PTPRT: variants seen among roughly 807,000 people sequenced by gnomAD.
PTPRT encodes protein tyrosine phosphatase receptor type T.
PTPRT carries 56 observed loss-of-function variants against 176.8 expected under a neutral mutation model. The observed-to-expected ratio is 0.32, with a 90% CI of 0.26 to 0.40. The LOEUF (loss-of-function observed/expected upper bound fraction) is 0.40, where lower values mean the gene tolerates loss of function less well. Among genes scored for constraint, PTPRT ranks in the 10% least tolerant of loss-of-function variants. The pLI, the probability that PTPRT is intolerant of heterozygous loss-of-function variation, is 1.00. For synonymous variants in PTPRT, 783 were observed against 739.0 expected (o/e 1.06, Z -0.96); for missense variants, 1,540 against 1,908.2 (o/e 0.81, Z 3.60).
At chr20:42,698,541 A>T (rs1428385705) in intron 6 of PTPRT, among the ~76,000 whole-genome samples, 1 of 152,198 alleles carries the variant, frequency 6.6e-6, no homozygotes. Flanking sequence ...GTGGCCTCAA[A>T]CTTGGCTGCA....
intron 1 of PTPRT, among the ~76,000 whole-genome samples, chr20:43,042,478 G>A (rs3092292): frequency 0.32 from 48,158 of 151,890 alleles, 10,572 homozygotes; most frequent in African/African-American, 0.62. Context: ...CCGGCTGCAG[G>A]AGGGAAAGAG....
intron 10 of PTPRT, 113 bp downstream of exon 10, chr20:42,351,971 C>T (rs1049895668): frequency 2.0e-6 from 2 of 994,392 alleles, no homozygotes; most frequent in Non-Finnish European, 3.1e-6. Flanking sequence ...CTGGATCGTC[C>T]TAATTCCACC....
chr20:43,062,332 AC>A (rs1987500929), intron 1 of PTPRT, among the ~76,000 whole-genome samples: 1 of 152,234 alleles, frequency 6.6e-6, no homozygotes, highest in South Asian at 2.1e-4. Flanking sequence ...TGGCTGGGTA[AC>A]CTAGGGCAAG....
chr20:42,364,225 C>G lies in PTPRT; in HGVS notation c.1561-11940G>C, dbSNP rs138703460. Among the ~76,000 whole-genome samples the G allele has an allele frequency of 2.7e-3, 411 of 152,290 alleles. 1 individual carries two copies. Among genetic ancestry groups the G allele is most frequent in the Non-Finnish European group, 4.4e-3 (302 of 68,012 alleles). On this transcript the variant is annotated intron_variant, in intron 9 of 30. Transcript: ENST00000373187. ...CCCTTCTAAGGAGAAATCCATCGAT[C>G]ACGTAATCACACATTCTGGGCCAGT...
chr20:42,355,909 G>A (rs745823615), intron 9 of PTPRT, among the ~76,000 whole-genome samples: 7 of 151,924 alleles, frequency 4.6e-5, no homozygotes, highest in Admixed American at 1.3e-4. Context: ...ATAATATACC[G>A]CGCTCTTCTG....
At chr20:42,402,483 TA>T (rs3061921) in intron 9 of PTPRT, among the ~76,000 whole-genome samples, 17,097 of 95,084 alleles carry the variant, frequency 0.18, 1,143 homozygotes, top group Non-Finnish European at 0.21. Flanking sequence ...ATAGTGCAGT[TA>T]AAAAAAAAAA....
chr20:42,765,416 T>G (rs756646330), intron 5 of PTPRT, among the ~76,000 whole-genome samples: 10 of 152,210 alleles, frequency 6.6e-5, no homozygotes, highest in Non-Finnish European at 8.8e-5. Flanking sequence ...GGGAAAAACC[T>G]GTGTCCTCAC....
chr20:42,306,473 G>A lies in PTPRT; in HGVS notation c.2139+9250C>T, dbSNP rs1009770935. On this transcript the variant is annotated intron_variant, in intron 12 of 30. Coordinates refer to ENST00000373187, the MANE Select transcript of PTPRT (RefSeq NM_007050.6). The stretch of plus-strand genomic sequence containing the variant: ...AAGAGCTGTGAGTGGATGTTTACCC[G>A]ATTGAGATTTTCCTAAGGAGTAATG... Among the ~76,000 whole-genome samples, 16 of 152,314 alleles carry A rather than the reference G, an allele frequency of 1.1e-4. No homozygotes were observed. The East Asian group carries it at 2.3e-3, about 22-fold the overall frequency.
intron 1 of PTPRT, among the ~76,000 whole-genome samples, chr20:43,037,618 G>T (rs911136317): frequency 6.6e-6 from 1 of 152,180 alleles, no homozygotes; most frequent in African/African-American, 2.4e-5. Context: ...GTCTTATCCA[G>T]AATTCTGAAA....
Position 42,084,558 on chromosome 20 carries a change from G to A in PTPRT, c.4136+124C>T. 4.9e-6 allele frequency: 4 copies of A among 816,742 alleles called. No homozygotes were observed. The South Asian group carries it at 2.6e-4, about 52-fold the overall frequency. 50.6% of individuals were successfully genotyped at this position (816,742 alleles called of 1,614,324 possible). On this transcript the variant is annotated intron_variant, in intron 29 of 30. Coordinates refer to ENST00000373187, the MANE Select transcript of PTPRT (RefSeq NM_007050.6). The stretch of plus-strand genomic sequence containing the variant: ...TTTGAATGTACTGCCACTAGCCTTT[G>A]AGGGATGTTGAGTTGTGGTATAGCC...
At chr20:42,906,642 C>A (rs2079481907) in intron 1 of PTPRT, among the ~76,000 whole-genome samples, 1 of 152,146 alleles carries the variant, frequency 6.6e-6, no homozygotes, top group African/African-American at 2.4e-5. Context: ...TGCTGTGAGA[C>A]CAGAGCCCTA....
At chr20:42,042,337 C>A in the PTPRT span, among the ~76,000 whole-genome samples, 1 of 152,218 alleles carries the variant, frequency 6.6e-6, no homozygotes, top group Non-Finnish European at 1.5e-5. Context: ...GCATACCATG[C>A]AGCAAAACAC....
At chr20:42,967,546 G>T (rs969276462) in intron 1 of PTPRT, among the ~76,000 whole-genome samples, 3 of 152,162 alleles carry the variant, frequency 2.0e-5, no homozygotes, top group Admixed American at 2.0e-4. Flanking sequence ...GTGCAGCCCT[G>T]CTGACACCTT....
chr20:43,067,012 T>G (rs2146262817), intron 1 of PTPRT, among the ~76,000 whole-genome samples: 1 of 152,332 alleles, frequency 6.6e-6, no homozygotes, highest in Non-Finnish European at 1.5e-5. Flanking sequence ...TCTGCAGGAA[T>G]AAAGAACCAG....
intron 7 of PTPRT, among the ~76,000 whole-genome samples, chr20:42,526,753 G>A (rs957916636): frequency 6.6e-6 from 1 of 151,940 alleles, no homozygotes; most frequent in Non-Finnish European, 1.5e-5. Context: ...ACTTGAATCA[G>A]CTATTTGTAG....
intron 9 of PTPRT, among the ~76,000 whole-genome samples, chr20:42,391,472 G>A (rs998307824): frequency 3.3e-5 from 5 of 152,212 alleles, no homozygotes; most frequent in African/African-American, 1.2e-4. Context: ...CAAACTTAGT[G>A]TGTGGGGCAC....
chr20:42,678,662 G>T (rs1223107921), intron 6 of PTPRT, among the ~76,000 whole-genome samples: 1 of 152,158 alleles, frequency 6.6e-6, no homozygotes, highest in East Asian at 1.9e-4. Flanking sequence ...GTAAGTACCT[G>T]AATCAGTATT....
intron 27 of PTPRT, among the ~76,000 whole-genome samples, chr20:42,088,000 T>G (rs1376913273): frequency 3.4e-5 from 5 of 145,450 alleles, no homozygotes; most frequent in African/African-American, 7.7e-5. Context: ...GGGGGTGGGG[T>G]GTGTGGCTGC....
At chr20:42,345,622 ATATATG>A (rs2058183557) in intron 11 of PTPRT, among the ~76,000 whole-genome samples, 1 of 143,532 alleles carries the variant, frequency 7.0e-6, no homozygotes, top group African/African-American at 2.7e-5. Flanking sequence ...GTGTGTGTAT[ATATATG>A]TATGATGCCA....
Sources: gnomAD v4.1 joint callset for allele counts (sites outside exome capture counted in the v4.1 genomes callset) on GRCh38, gnomAD v4.1.1 for gene constraint, MANE v1.5 for transcripts, NCBI Gene and HGNC (gene_info 2026-07-23, HGNC 2026-07-21) for gene names.